Variants in CEP83 observed in about 807,000 individuals in gnomAD.
CEP83 encodes the protein centrosomal protein 83.
Under a neutral mutation model 101.9 loss-of-function variants are expected in CEP83, and 70 were observed. The observed-to-expected ratio is 0.69, with a 90% CI of 0.57 to 0.84. CEP83 has a LOEUF of 0.84. Among genes scored for constraint, CEP83 ranks in the 40% least tolerant of loss-of-function variants. The pLI is 0.00. For synonymous variants in CEP83, 264 were observed against 267.9 expected (o/e 0.99, Z 0.14); for missense variants, 715 against 787.2 (o/e 0.91, Z 1.10).
intron 12 of CEP83, among the ~76,000 whole-genome samples, chr12:94,334,272 C>T (rs2059362515): frequency 6.6e-6 from 1 of 152,150 alleles, no homozygotes; most frequent in Non-Finnish European, 1.5e-5. Flanking sequence ...TTGGCCTCTA[C>T]AGCCATTTAC....
chr12:94,269,590 A>G, the CEP83 span, among the ~76,000 whole-genome samples: 1 of 152,238 alleles, frequency 6.6e-6, no homozygotes, highest in African/African-American at 2.4e-5. Context: ...CCCCGTAATT[A>G]AACAACCCAC....
At position 94,400,944 on chromosome 12, in the gene CEP83, C is replaced by T. The variant is rs767118598; in HGVS notation, c.455G>A (p.Arg152His). The T allele has an allele frequency of 4.6e-6, 7 of 1,506,454 alleles. No homozygotes were observed. Among genetic ancestry groups the T allele is most frequent in the Non-Finnish European group, 6.2e-6 (7 of 1,123,800 alleles). The allele number at this position is 1,506,454 out of a possible 1,614,324, so 93.3% of individuals were successfully genotyped here. A position where few individuals can be genotyped will look rare whatever the true frequency, so the allele number is the denominator to read the frequency against. Residue 152 changes from arginine to histidine, a missense_variant, in exon 6 of 17, where the codon CGC (arginine) becomes CAC (histidine). Coordinates refer to ENST00000397809, the MANE Select transcript of CEP83 (RefSeq NM_016122.3). ...EKYRAVYNKL[R>H]YEHTFLKSEF... ...TGACTTGAGAAATGTATGTTCATAGCGAAGCTTATTATATACAGCTCTATA... is the reference window on the plus strand; with the variant it reads ...TGACTTGAGAAATGTATGTTCATAGTGAAGCTTATTATATACAGCTCTATA...
intron 11 of CEP83, among the ~76,000 whole-genome samples, chr12:94,352,537 T>TA (rs1280394923): frequency 6.6e-6 from 1 of 150,500 alleles, no homozygotes; most frequent in Non-Finnish European, 1.5e-5. Flanking sequence ...GAAAAGAAAT[T>TA]AAAAATAACA....
At chr12:94,272,879 C>T in the CEP83 span, among the ~76,000 whole-genome samples, 2 of 152,226 alleles carry the variant, frequency 1.3e-5, no homozygotes, top group African/African-American at 4.8e-5. Context: ...CAAGCCTCCT[C>T]TACCAGATCG....
chr12:94,354,142 T>G (rs1222293094), intron 11 of CEP83, among the ~76,000 whole-genome samples: 1 of 152,100 alleles, frequency 6.6e-6, no homozygotes, highest in Non-Finnish European at 1.5e-5. Context: ...TCACAGACAC[T>G]TGTAAAACAT....
chr12:94,438,019 C>G (rs1432947185), intron 1 of CEP83, among the ~76,000 whole-genome samples: 2 of 152,032 alleles, frequency 1.3e-5, no homozygotes, highest in African/African-American at 2.4e-5. Context: ...GAGTTCAAGA[C>G]CAGCCTGGCC....
the CEP83 span, among the ~76,000 whole-genome samples, chr12:94,286,908 C>A: frequency 1.3e-5 from 2 of 152,142 alleles, no homozygotes; most frequent in Non-Finnish European, 2.9e-5. Flanking sequence ...GATTTGAGGG[C>A]ATGACAAAAA....
intron 2 of CEP83, chr12:94,424,570 G>A (rs1380993842): frequency 1.2e-6 from 2 of 1,613,380 alleles, no homozygotes; most frequent in Non-Finnish European, 1.7e-6. Flanking sequence ...AATTTGTGGG[G>A]TCCTGTTCCT....
chr12:94,425,566 C>T (rs1334139835), intron 2 of CEP83, among the ~76,000 whole-genome samples: 2 of 152,146 alleles, frequency 1.3e-5, no homozygotes, highest in African/African-American at 2.4e-5. Flanking sequence ...TGATACCTGC[C>T]AAGCAACCAA....
At chr12:94,452,255 T>G (rs2067309693) in intron 1 of CEP83, among the ~76,000 whole-genome samples, 1 of 152,140 alleles carries the variant, frequency 6.6e-6, no homozygotes, top group African/African-American at 2.4e-5. Context: ...GAAATTGCCT[T>G]GTGATGACAG....
At chr12:94,459,116 A>C (rs1052183179) in intron 1 of CEP83, among the ~76,000 whole-genome samples, 2 of 152,252 alleles carry the variant, frequency 1.3e-5, no homozygotes, top group East Asian at 3.8e-4. Context: ...ACAAATACTT[A>C]GCAGTGGATA....
the CEP83 span, chr12:94,277,714 G>A: frequency 8.7e-6 from 3 of 344,712 alleles, no homozygotes; most frequent in Non-Finnish European, 1.7e-5. Flanking sequence ...TCCAATGTGG[G>A]CTGAATCTGT....
intron 11 of CEP83, among the ~76,000 whole-genome samples, chr12:94,356,955 G>C (rs2060505117): frequency 6.6e-6 from 1 of 152,172 alleles, no homozygotes; most frequent in African/African-American, 2.4e-5. Context: ...GAACAACTTA[G>C]AGGTGTGCAC....
chr12:94,418,656 G>A (rs924417966), intron 2 of CEP83, among the ~76,000 whole-genome samples: 5 of 152,134 alleles, frequency 3.3e-5, no homozygotes, highest in African/African-American at 1.2e-4. Context: ...GGGACTAAGG[G>A]AATGGGGAAA....
intron 11 of CEP83, among the ~76,000 whole-genome samples, chr12:94,336,211 T>A (rs1034586019): frequency 6.6e-6 from 1 of 152,172 alleles, no homozygotes; most frequent in Non-Finnish European, 1.5e-5. Flanking sequence ...ATCCCTGAGA[T>A]GAATGAATAC....
At chr12:94,303,952 A>T, downstream of CEP83, 1 of 1,606,656 alleles carries the variant, frequency 6.2e-7, no homozygotes, top group Non-Finnish European at 8.5e-7. Flanking sequence ...TCATTTCAGA[A>T]TCTCTCAACA....
chr12:94,362,828 A>G (rs1056187404), intron 11 of CEP83, among the ~76,000 whole-genome samples: 25 of 152,260 alleles, frequency 1.6e-4, no homozygotes, highest in African/African-American at 5.5e-4. Flanking sequence ...TGTGGCATAT[A>G]TAAACAATGG....
chr12:94,307,193 C>CTGT (rs1969128599), downstream of CEP83: 1 of 152,190 alleles, frequency 6.6e-6, no homozygotes, highest in South Asian at 2.1e-4. Flanking sequence ...AGGGACTGTG[C>CTGT]TGTTGGGAAC....
chr12:94,385,615 C>A (rs766356888), intron 6 of CEP83, among the ~76,000 whole-genome samples: 6 of 152,074 alleles, frequency 3.9e-5, no homozygotes, highest in South Asian at 2.1e-4. Flanking sequence ...ATAAATTCTC[C>A]CTTAAATGGC....
Sources: gnomAD v4.1 joint callset for allele counts (sites outside exome capture counted in the v4.1 genomes callset) on GRCh38, gnomAD v4.1.1 for gene constraint, MANE v1.5 for transcripts, NCBI Gene and HGNC (gene_info 2026-07-23, HGNC 2026-07-21) for gene names.